The following PRR12 variants were observed in gnomAD, a reference collection of about 807,000 sequenced individuals.
PRR12 encodes the protein proline rich 12.
PRR12 carries 12 observed loss-of-function variants against 138.0 expected under a neutral mutation model. The ratio of observed to expected loss-of-function variants is 0.09; its 90% CI spans 0.06 to 0.14. The LOEUF (loss-of-function observed/expected upper bound fraction) is 0.14. Among genes scored for constraint, PRR12 ranks in the 10% least tolerant of loss-of-function variants. PRR12 has a pLI of 1.00. For missense variants in PRR12, 2,692 were observed against 2,861.3 expected, an observed-to-expected ratio of 0.94 and a Z score of 1.35; for synonymous variants, 1,567 against 1,291.7, an observed-to-expected ratio of 1.21 and a Z score of -4.57.
In PRR12 at chr19:49,614,236, A is replaced by G. The variant is rs2080880410; in HGVS notation, c.4774-297A>G. 6.6e-6 allele frequency among the ~76,000 whole-genome samples: 1 copy of G among 152,172 alleles called. No homozygotes were observed. The highest frequency in any genetic ancestry group is 2.1e-4 in the South Asian group (1 of 4,830). The stretch of plus-strand genomic sequence containing the variant: ...CAGGCGGTGTTCAAAGATTGTCATT[A>G]CTCTGAGTCACACAGGAAGTTTTGG... On this transcript the variant is annotated intron_variant, in intron 6 of 13. Coordinates refer to ENST00000418929, the MANE Select transcript of PRR12 (RefSeq NM_020719.3). The surrounding 1 kb of genome is among the most constrained non-coding windows in gnomAD (Gnocchi z 5.0).
intron 1 of PRR12, among the ~76,000 whole-genome samples, chr19:49,591,989 G>T (rs1189562204): frequency 6.6e-6 from 1 of 152,188 alleles, no homozygotes; most frequent in African/African-American, 2.4e-5. Context: ...AAACAATTTC[G>T]GACGGGAAGG....
At chr19:49,592,991 C>T (rs548969697) in intron 1 of PRR12, among the ~76,000 whole-genome samples, 2 of 151,252 alleles carry the variant, frequency 1.3e-5, no homozygotes, top group Admixed American at 6.6e-5. Flanking sequence ...TTTGTGGGGT[C>T]GACGGGGGAG....
At chr19:49,611,640 A>AAACAAAAAAACAAAAAAC (rs1555742960) in intron 6 of PRR12, among the ~76,000 whole-genome samples, 1 of 150,250 alleles carries the variant, frequency 6.7e-6, no homozygotes, top group African/African-American at 2.5e-5. Flanking sequence ...AAAAAAAAAA[A>AAACAAAAAAACAAAAAAC]AGGCCGGGCG....
Position 49,601,571 on chromosome 19 carries a change from C to T in PRR12, c.4426C>T (p.Pro1476Ser). 1 of 1,541,210 alleles carries T rather than the reference C, an allele frequency of 6.5e-7. No homozygotes were observed. Among genetic ancestry groups the T allele is most frequent in the Middle Eastern group, 2.0e-4 (1 of 5,080 alleles). The change falls in exon 6 of 14, where the codon CCG (proline) becomes TCG (serine). Residue 1476 changes from proline (P) to serine (S), a missense_variant. Around this residue, in one of 11 missense-constraint regions of PRR12, gnomAD observed 231 missense variants for 200.8 expected, o/e 1.15. Coordinates refer to ENST00000418929, the MANE Select transcript of PRR12 (RefSeq NM_020719.3). ...TPQPQPPPPP[P>S]PPQPALPSPP... Reference sequence around the variant, plus strand: ...TCAGCCTCAGCCTCCGCCACCCCCTCCGCCGCCACAGCCAGCCCTGCCCTC... The same window carrying T: ...TCAGCCTCAGCCTCCGCCACCCCCTTCGCCGCCACAGCCAGCCCTGCCCTC...
chr19:49,618,237 T>G (rs1253561357), intron 9 of PRR12, among the ~76,000 whole-genome samples: 1 of 152,070 alleles, frequency 6.6e-6, no homozygotes, highest in Non-Finnish European at 1.5e-5. Context: ...CAAGCCCTGT[T>G]TCTGCCCCTG....
At chr19:49,615,099 G>C in intron 8 of PRR12, 90 bp downstream of exon 8, 1 of 1,556,610 alleles carries the variant, frequency 6.4e-7, no homozygotes, top group Non-Finnish European at 8.7e-7. Flanking sequence ...TGGAGAGTGG[G>C]GGGTGGGGAC....
In PRR12 at chr19:49,594,395, C is replaced by T. The variant is rs1482034749; in HGVS notation, c.200-59C>T. ...CTTGCTTTTGGCCTCTTCCCTTTCT[C>T]TCTTGACTGTATCCTACCCACCCCC... On this transcript the variant is annotated intron_variant, in intron 2 of 13. Coordinates refer to ENST00000418929, the MANE Select transcript of PRR12 (RefSeq NM_020719.3). This position sits in a 1 kb window ranked among gnomAD's most constrained non-coding sequence, Gnocchi z 5.6. The T allele has an allele frequency of 4.7e-6, 7 of 1,475,166 alleles. No individual in the cohort carries two copies. Among genetic ancestry groups the T allele is most frequent in the African/African-American group, 4.3e-5 (3 of 70,558 alleles). The allele number at this position is 1,475,166 out of a possible 1,614,324, so 91.4% of individuals were successfully genotyped here.
intron 11 of PRR12, among the ~76,000 whole-genome samples, chr19:49,621,933 G>A (rs1164856214): frequency 1.3e-5 from 2 of 152,284 alleles, no homozygotes; most frequent in East Asian, 1.9e-4. Context: ...GCACTGGACC[G>A]ATGGCTTCTT....
In PRR12 at chr19:49,616,339, A is replaced by G; in HGVS notation, c.5497+120A>G. The G allele has an allele frequency of 2.3e-6, 2 of 886,218 alleles. No individual in the cohort carries two copies. Among genetic ancestry groups the G allele is most frequent in the Non-Finnish European group, 3.3e-6 (2 of 609,524 alleles). The allele number at this position is 886,218 out of a possible 1,614,324, so 54.9% of individuals were successfully genotyped here. ...AGTAAGAACCAGTATGTTACAGATA[A>G]TGGCAGTAGCTCACAGTCACGGGGC... is the stretch of plus-strand genomic sequence containing the variant. On this transcript the variant is annotated intron_variant, in intron 9 of 13. Coordinates refer to ENST00000418929, the MANE Select transcript of PRR12 (RefSeq NM_020719.3). This position sits in a 1 kb window ranked among gnomAD's most constrained non-coding sequence, Gnocchi z 4.2.
At chr19:49,592,915 G>A (rs1258169431) in intron 1 of PRR12, among the ~76,000 whole-genome samples, 3 of 152,040 alleles carry the variant, frequency 2.0e-5, no homozygotes, top group African/African-American at 7.2e-5. Context: ...CGGAAGAGGA[G>A]GCGTCCATGT....
At chr19:49,609,689 G>C (rs1178295015) in intron 6 of PRR12, among the ~76,000 whole-genome samples, 1 of 152,152 alleles carries the variant, frequency 6.6e-6, no homozygotes, top group African/African-American at 2.4e-5. Context: ...AAGGCCCTGT[G>C]GTGAGGGAAA....
At chr19:49,624,209 A>T (rs1054229696) in intron 11 of PRR12, among the ~76,000 whole-genome samples, 2 of 132,412 alleles carry the variant, frequency 1.5e-5, no homozygotes, top group African/African-American at 5.8e-5. Context: ...GGTGGTTAGG[A>T]TGAGACTGAG....
Position 49,599,975 on chromosome 19 carries a change from AAGGTTATTATGATCACT to A in PRR12, c.4345+42_4345+58del. On this transcript the variant is annotated intron_variant, in intron 5 of 13. Transcript: ENST00000418929. The surrounding 1 kb of genome is among the most constrained non-coding windows in gnomAD (Gnocchi z 5.0). ...GCAGGTGGTCTGGGAGTAGAGCTTA[AAGGTTATTATGATCACT>A]AGGTAACAGTTGTGCAGGTTACGCA... 1.3e-6 allele frequency: 2 copies of A among 1,530,298 alleles called. No homozygotes were observed. The highest frequency in any genetic ancestry group is 1.8e-6 in the Non-Finnish European group (2 of 1,135,078). The allele number at this position is 1,530,298 out of a possible 1,614,324, so 94.8% of individuals were successfully genotyped here. A position where few individuals can be genotyped will look rare whatever the true frequency, so the allele number is the denominator to read the frequency against.
In PRR12 at chr19:49,596,688, G is replaced by T. The variant is rs1314650152; in HGVS notation, c.2353G>T (p.Ala785Ser). The change falls in exon 4 of 14, where the codon GCC (alanine) becomes TCC (serine). Residue 785 changes from alanine to serine, a missense_variant. This residue lies in a region of PRR12 where 840 missense variants were observed against 689.8 expected (regional missense o/e 1.22). Coordinates refer to ENST00000418929, the MANE Select transcript of PRR12 (RefSeq NM_020719.3). The surrounding 1 kb of genome is among the most constrained non-coding windows in gnomAD (Gnocchi z 5.6). ...QPTPHGLLLEAGGPDLPLVLP... is the reference protein window; with the variant it reads ...QPTPHGLLLESGGPDLPLVLP... ...CACTCCCCATGGCCTCCTTCTGGAG[G>T]CCGGGGGCCCTGACCTCCCACTGGT... is the stretch of plus-strand genomic sequence containing the variant. The T allele has an allele frequency of 1.2e-6, 2 of 1,603,610 alleles. No individual in the cohort carries two copies. Among genetic ancestry groups the T allele is most frequent in the Non-Finnish European group, 1.7e-6 (2 of 1,178,720 alleles).
chr19:49,623,678 A>G (rs1004499408), intron 11 of PRR12, among the ~76,000 whole-genome samples: 7 of 149,296 alleles, frequency 4.7e-5, no homozygotes, highest in Non-Finnish European at 1.0e-4. Flanking sequence ...TGGTTAGGAT[A>G]GGGCTGAGAA....
In PRR12 at chr19:49,624,729, G is replaced by T. The variant is rs182069246; in HGVS notation, c.5722-115G>T. 29 of 1,445,584 alleles carry T rather than the reference G, an allele frequency of 2.0e-5. No homozygotes were observed. In the Admixed American group the frequency reaches 7.3e-4, roughly 36 times the overall value. 89.5% of individuals were successfully genotyped at this position (1,445,584 alleles called of 1,614,324 possible). ...TCTGTCCTTTGAGGAGACTCTAGTT[G>T]TCTCTCCTGATCTGCAGCCTGGGGG... is the stretch of plus-strand genomic sequence containing the variant. On this transcript the variant is annotated intron_variant, in intron 11 of 13. Coordinates refer to ENST00000418929, the MANE Select transcript of PRR12 (RefSeq NM_020719.3).
chr19:49,614,319 C>T lies in PRR12; in HGVS notation c.4774-214C>T, dbSNP rs1035580668. 1.3e-5 allele frequency among the ~76,000 whole-genome samples: 2 copies of T among 152,142 alleles called. No homozygotes were observed. Among genetic ancestry groups the T allele is most frequent in the Non-Finnish European group, 2.9e-5 (2 of 68,040 alleles). Reference sequence around the variant, plus strand: ...CTCTACAGCCTGAGAACGAGCAGCCCAATCCAGGGTACTGGGTGGGCAGGA... The same window carrying T: ...CTCTACAGCCTGAGAACGAGCAGCCTAATCCAGGGTACTGGGTGGGCAGGA... On this transcript the variant is annotated intron_variant, in intron 6 of 13. Coordinates refer to ENST00000418929, the MANE Select transcript of PRR12 (RefSeq NM_020719.3). The surrounding 1 kb of genome is among the most constrained non-coding windows in gnomAD (Gnocchi z 5.0).
intron 2 of PRR12, 50 bp downstream of exon 2, chr19:49,593,489 G>A (rs749660740): frequency 9.2e-5 from 42 of 454,116 alleles, no homozygotes; most frequent in Non-Finnish European, 1.3e-4. Flanking sequence ...CCCTCCCCCC[G>A]AGGCAGCTGA....
rs1333398552 is a variant in PRR12 at position 49,619,487 on chromosome 19, G to A, written c.5498-865G>A. ...CGACCTCAGGTGATCCACTTGCCTT[G>A]GCCTCCCAAAGTGGTGGGATTACAG... is the stretch of plus-strand genomic sequence containing the variant. On this transcript the variant is annotated intron_variant, in intron 9 of 13. Coordinates refer to ENST00000418929, the MANE Select transcript of PRR12 (RefSeq NM_020719.3). 2.0e-5 allele frequency among the ~76,000 whole-genome samples: 3 copies of A among 149,042 alleles called. No individual in the cohort carries two copies. In the East Asian group the frequency reaches 5.9e-4, roughly 29 times the overall value.
Sources: allele counts gnomAD v4.1 joint callset (sites outside exome capture counted in the v4.1 genomes callset), GRCh38; gene constraint gnomAD v4.1.1; regional missense constraint gnomAD v4.1.1; non-coding constraint Gnocchi (gnomAD v3.1); transcripts MANE v1.5; gene names NCBI Gene and HGNC (gene_info 2026-07-23, HGNC 2026-07-21).